Variants in DAAM2 observed in about 807,000 individuals in gnomAD.
DAAM2 encodes dishevelled associated activator of morphogenesis 2, also known as disheveled-associated activator of morphogenesis 2.
Under a neutral mutation model 120.7 loss-of-function variants are expected in DAAM2, and 39 were observed. The ratio of observed to expected loss-of-function variants is 0.32; its 90% CI spans 0.25 to 0.42. The LOEUF is 0.42. Among genes scored for constraint, DAAM2 ranks in the 10% least tolerant of loss-of-function variants. DAAM2 has a pLI of 1.00. For missense variants in DAAM2, 1,283 were observed against 1,401.7 expected, an observed-to-expected ratio of 0.92 and a Z score of 1.35; for synonymous variants, 488 against 524.9, an observed-to-expected ratio of 0.93 and a Z score of 0.96.
chr6:39,814,135 TTA>T (rs2114083675), intron 1 of DAAM2, among the ~76,000 whole-genome samples: 1 of 152,214 alleles, frequency 6.6e-6, no homozygotes, highest in African/African-American at 2.4e-5. Flanking sequence ...TCTTAAAATG[TTA>T]TGAGATTTTT....
At chr6:39,813,511 G>T (rs921639957) in intron 1 of DAAM2, among the ~76,000 whole-genome samples, 1 of 152,184 alleles carries the variant, frequency 6.6e-6, no homozygotes, top group Non-Finnish European at 1.5e-5. Flanking sequence ...CAGAGTGTGT[G>T]TGGAGTGAGT....
At chr6:39,895,441 A>G (rs3004063) in intron 19 of DAAM2, among the ~76,000 whole-genome samples, 102,483 of 151,350 alleles carry the variant, frequency 0.68, 35,185 homozygotes, top group East Asian at 0.87. Context: ...TCACCGTGTC[A>G]CCCAGGTTGT....
chr6:39,826,158 C>G (rs1762665253), intron 1 of DAAM2, among the ~76,000 whole-genome samples: 1 of 152,210 alleles, frequency 6.6e-6, no homozygotes, highest in Admixed American at 6.5e-5. Context: ...AAACACACGG[C>G]TGGCATCTTC....
chr6:39,855,667 C>G (rs1346647644), intron 1 of DAAM2, among the ~76,000 whole-genome samples: 1 of 152,178 alleles, frequency 6.6e-6, no homozygotes, highest in African/African-American at 2.4e-5. Context: ...GAAAACTGAG[C>G]ACAAAACTGT....
At position 39,870,321 on chromosome 6, in the gene DAAM2, C is replaced by T. The variant is rs1233005289; in HGVS notation, c.874-19C>T. 6.7e-6 allele frequency: 10 copies of T among 1,494,056 alleles called. No homozygotes were observed. The highest frequency in any genetic ancestry group is 9.2e-6 in the Non-Finnish European group (10 of 1,092,006). The allele number at this position is 1,494,056 out of a possible 1,614,324, so 92.5% of individuals were successfully genotyped here. A position where few individuals can be genotyped will look rare whatever the true frequency, so the allele number is the denominator to read the frequency against. Reference sequence around the variant, plus strand: ...CTGAGATCTGCCAATGAGTCTGGCCCTCCCTTGGTGACCCCCAGGATAATC... The same window carrying T: ...CTGAGATCTGCCAATGAGTCTGGCCTTCCCTTGGTGACCCCCAGGATAATC... On this transcript the variant is annotated intron_variant, in intron 7 of 24. Coordinates refer to ENST00000274867, the MANE Select transcript of DAAM2 (RefSeq NM_001201427.2).
rs765962936 is a variant in DAAM2 at position 39,904,570 on chromosome 6, C to T, written c.*2533C>T. The T allele has an allele frequency of 4.5e-6, 2 of 446,102 alleles. No homozygotes were observed. Among genetic ancestry groups the T allele is most frequent in the Admixed American group, 4.7e-5 (2 of 42,218 alleles). 27.6% of individuals were successfully genotyped at this position (446,102 alleles called of 1,614,324 possible). ...CAACCTTCTCAGCAGCATTTCTCCC[C>T]TGTGATGGAAATAAAGTGTTTAGGG... On this transcript the variant is annotated 3_prime_UTR_variant, in exon 25 of 25. Coordinates refer to ENST00000274867, the MANE Select transcript of DAAM2 (RefSeq NM_001201427.2).
At chr6:39,900,531 G>T (rs748527984) in intron 23 of DAAM2, among the ~76,000 whole-genome samples, 8 of 152,166 alleles carry the variant, frequency 5.3e-5, no homozygotes, top group Non-Finnish European at 1.0e-4. Context: ...GCCCAAGATT[G>T]CCCAGCTGTA....
At chr6:39,818,295 C>T (rs778285916) in intron 1 of DAAM2, among the ~76,000 whole-genome samples, 38 of 151,840 alleles carry the variant, frequency 2.5e-4, no homozygotes, top group East Asian at 7.7e-4. Context: ...ATATTTTCAG[C>T]GAATGGGCCA....
intron 1 of DAAM2, among the ~76,000 whole-genome samples, chr6:39,843,571 A>G (rs1763438136): frequency 6.6e-6 from 1 of 152,248 alleles, no homozygotes; most frequent in East Asian, 1.9e-4. Context: ...TTGCGGGCCC[A>G]GCACAAAATG....
intron 1 of DAAM2, among the ~76,000 whole-genome samples, chr6:39,798,543 G>T (rs1339031640): frequency 6.6e-6 from 1 of 152,188 alleles, no homozygotes; most frequent in Non-Finnish European, 1.5e-5. Flanking sequence ...GAGATAAATG[G>T]TGTCCTTTTA....
At chr6:39,881,387 G>A (rs955118422) in intron 14 of DAAM2, among the ~76,000 whole-genome samples, 3 of 152,226 alleles carry the variant, frequency 2.0e-5, no homozygotes, top group African/African-American at 7.2e-5. Context: ...TGGACTTCAG[G>A]TTCCTTATCT....
At chr6:39,876,052 C>T (rs768780618) in intron 11 of DAAM2, among the ~76,000 whole-genome samples, 1 of 152,188 alleles carries the variant, frequency 6.6e-6, no homozygotes, top group Non-Finnish European at 1.5e-5. Context: ...AGAAAGTTTG[C>T]TGACCACTGA....
Position 39,904,430 on chromosome 6 carries a change from G to A in DAAM2, c.*2393G>A, listed in dbSNP as rs913539192. On this transcript the variant is annotated 3_prime_UTR_variant, in exon 25 of 25. Coordinates refer to ENST00000274867, the MANE Select transcript of DAAM2 (RefSeq NM_001201427.2). ...GGGTGGCTGAGCTGGTCCTTAATAG[G>A]TTGTTTCTTGGTCTTGCTTTCTTCA... 26 of 454,848 alleles carry A rather than the reference G, an allele frequency of 5.7e-5. No individual in the cohort carries two copies. The highest frequency in any genetic ancestry group is 2.6e-4 in the Admixed American group (11 of 42,558). The allele number at this position is 454,848 out of a possible 1,614,324, so 28.2% of individuals were successfully genotyped here.
chr6:39,804,342 A>C (rs923974431), intron 1 of DAAM2, among the ~76,000 whole-genome samples: 25 of 152,222 alleles, frequency 1.6e-4, no homozygotes, highest in Non-Finnish European at 3.4e-4. Context: ...TGGCAGACAC[A>C]GAGTTAGCGC....
intron 1 of DAAM2, among the ~76,000 whole-genome samples, chr6:39,794,461 C>T (rs979649176): frequency 1.3e-5 from 2 of 152,188 alleles, no homozygotes; most frequent in African/African-American, 2.4e-5. Context: ...AGGGAATACT[C>T]GTGCCCCCAT....
At chr6:39,802,744 T>G (rs1035209467) in intron 1 of DAAM2, among the ~76,000 whole-genome samples, 2 of 152,282 alleles carry the variant, frequency 1.3e-5, no homozygotes, top group South Asian at 2.1e-4. Context: ...TTTTATTTTG[T>G]CTTAACTTTT....
intron 1 of DAAM2, among the ~76,000 whole-genome samples, chr6:39,850,118 G>A (rs1763750527): frequency 6.6e-6 from 1 of 152,120 alleles, no homozygotes; most frequent in African/African-American, 2.4e-5. Flanking sequence ...ATCAAACCAG[G>A]GTACTCGCAT....
intron 1 of DAAM2, among the ~76,000 whole-genome samples, chr6:39,830,848 G>A (rs181008641): frequency 5.9e-5 from 9 of 152,286 alleles, no homozygotes; most frequent in East Asian, 3.9e-4. Context: ...CCTGCAGTCC[G>A]GACCAGCTTT....
chr6:39,816,761 G>C (rs1362719940), intron 1 of DAAM2, among the ~76,000 whole-genome samples: 1 of 152,160 alleles, frequency 6.6e-6, no homozygotes, highest in African/African-American at 2.4e-5. Context: ...TCAACACTTT[G>C]TGACTGCTTT....
Sources: gnomAD v4.1 joint callset for allele counts (sites outside exome capture counted in the v4.1 genomes callset) on GRCh38, gnomAD v4.1.1 for gene constraint, MANE v1.5 for transcripts, NCBI Gene and HGNC (gene_info 2026-07-23, HGNC 2026-07-21) for gene names.